ABCC4: variants seen among roughly 807,000 people sequenced by gnomAD.
ABCC4 encodes the protein ATP binding cassette subfamily C member 4 (PEL blood group).
Under a neutral mutation model 168.5 loss-of-function variants are expected in ABCC4, and 102 were observed. The ratio of observed to expected loss-of-function variants is 0.61; its 90% confidence interval spans 0.52 to 0.71. The LOEUF is 0.71. Ranked by LOEUF, ABCC4 falls within the 30% of genes least tolerant of loss-of-function variation. ABCC4 has a pLI of 0.00. For synonymous variants in ABCC4, 617 were observed against 590.7 expected, an observed-to-expected ratio of 1.04 and a Z score of -0.65; for missense variants, 1,402 against 1,605.8, an observed-to-expected ratio of 0.87 and a Z score of 2.17.
chr13:95,274,197 A>G (rs1307126089), intron 1 of ABCC4, among the ~76,000 whole-genome samples: 1 of 152,074 alleles, frequency 6.6e-6, no homozygotes, highest in Admixed American at 6.6e-5. Flanking sequence ...AGGCCAGTAG[A>G]TTTCTCATAC....
intron 30 of ABCC4, among the ~76,000 whole-genome samples, chr13:95,028,364 TA>T (rs2031648070): frequency 1.3e-5 from 2 of 152,102 alleles, no homozygotes; most frequent in Non-Finnish European, 2.9e-5. Flanking sequence ...CTAGAAAAAC[TA>T]GGACACAAAG....
At chr13:95,244,640 A>AG (rs2040049471) in intron 3 of ABCC4, among the ~76,000 whole-genome samples, 1 of 38,878 alleles carries the variant, frequency 2.6e-5, no homozygotes, top group African/African-American at 1.7e-4. Context: ...AAAGAAAGAA[A>AG]GAAAGAAAGA....
chr13:95,296,675 T>G (rs1455188731), intron 1 of ABCC4, among the ~76,000 whole-genome samples: 1 of 152,166 alleles, frequency 6.6e-6, no homozygotes, highest in Non-Finnish European at 1.5e-5. Flanking sequence ...GCCTCCACCC[T>G]GCTGCTGACC....
intron 3 of ABCC4, among the ~76,000 whole-genome samples, chr13:95,242,580 T>C (rs1285568790): frequency 6.6e-6 from 1 of 152,146 alleles, no homozygotes; most frequent in Non-Finnish European, 1.5e-5. Flanking sequence ...TGGAGTGCAG[T>C]GGTGCAATCA....
chr13:95,042,345 T>C (rs58286099), intron 29 of ABCC4, among the ~76,000 whole-genome samples: 8,833 of 152,276 alleles, frequency 0.058, 317 homozygotes, highest in African/African-American at 0.09. Flanking sequence ...TTGCACCATC[T>C]TCACTGCTCA....
intron 3 of ABCC4, among the ~76,000 whole-genome samples, chr13:95,237,920 C>T (rs1049578884): frequency 3.9e-5 from 6 of 151,988 alleles, no homozygotes; most frequent in East Asian, 1.9e-4. Context: ...TACAGCCAGG[C>T]GCGGTGGCTC....
intron 20 of ABCC4, among the ~76,000 whole-genome samples, chr13:95,089,509 T>C (rs918131111): frequency 5.3e-5 from 8 of 152,052 alleles, no homozygotes; most frequent in Non-Finnish European, 1.0e-4. Context: ...TCCCAGCTAC[T>C]TGGGAGGCTG....
chr13:95,148,591 A>ACAC, intron 19 of ABCC4, among the ~76,000 whole-genome samples: 1 of 129,790 alleles, frequency 7.7e-6, no homozygotes, highest in Non-Finnish European at 1.7e-5. Flanking sequence ...TACCCATCAC[A>ACAC]ACACACACAC....
At chr13:95,169,393 C>G (rs567019498) in intron 14 of ABCC4, among the ~76,000 whole-genome samples, 1 of 152,274 alleles carries the variant, frequency 6.6e-6, no homozygotes, top group African/African-American at 2.4e-5. Flanking sequence ...CCATGTCACT[C>G]CACTGCTCTG....
At chr13:95,266,810 T>C (rs2040688266) in intron 1 of ABCC4, among the ~76,000 whole-genome samples, 1 of 148,894 alleles carries the variant, frequency 6.7e-6, no homozygotes. Flanking sequence ...GGTTTGGTTG[T>C]GTCCCTACTC....
chr13:95,066,929 T>C (rs1480484507), intron 25 of ABCC4, among the ~76,000 whole-genome samples: 1 of 152,150 alleles, frequency 6.6e-6, no homozygotes, highest in East Asian at 1.9e-4. Context: ...TATAAGAAGG[T>C]GGCTAGGACA....
chr13:95,278,806 GAAAAAAAAAAAAAAAAA>G (rs71113905), intron 1 of ABCC4, among the ~76,000 whole-genome samples: 2 of 34,344 alleles, frequency 5.8e-5, no homozygotes, highest in African/African-American at 3.0e-4. Context: ...CCCTGTCTCG[GAAAAAAAAAAAAAAAAA>G]AAAAAAAAAA....
chr13:95,186,287 A>C (rs1278596631), intron 11 of ABCC4, among the ~76,000 whole-genome samples: 1 of 152,148 alleles, frequency 6.6e-6, no homozygotes. Context: ...GCATCAGAAG[A>C]ATCTGGGTTG....
chr13:95,116,160 G>T (rs1355110294), intron 19 of ABCC4, among the ~76,000 whole-genome samples, 159 bp from the exon 20 acceptor site: 1 of 152,068 alleles, frequency 6.6e-6, no homozygotes, highest in African/African-American at 2.4e-5. Context: ...AAAGAAAATA[G>T]GACGATACCT....
At chr13:95,233,842 T>TA (rs1376968605) in intron 4 of ABCC4, among the ~76,000 whole-genome samples, 1 of 152,178 alleles carries the variant, frequency 6.6e-6, no homozygotes, top group Non-Finnish European at 1.5e-5. Context: ...TGTAAAAACT[T>TA]ACTTTGAATG....
chr13:95,283,921 C>T (rs1229088335), intron 1 of ABCC4, among the ~76,000 whole-genome samples: 3 of 151,228 alleles, frequency 2.0e-5, no homozygotes, highest in Non-Finnish European at 4.4e-5. Context: ...AGAGTGGCGC[C>T]AGGTGCAGTG....
intron 19 of ABCC4, among the ~76,000 whole-genome samples, chr13:95,147,203 C>T (rs1305887714): frequency 6.6e-6 from 1 of 152,052 alleles, no homozygotes; most frequent in African/African-American, 2.4e-5. Flanking sequence ...GTCTCTCCAC[C>T]CCAAATTCTA....
In ABCC4 at chr13:95,043,778, C is replaced by T. The variant is rs374227896; in HGVS notation, c.3639G>A (p.Glu1213=). 1.9e-6 allele frequency: 3 copies of T among 1,611,572 alleles called. No homozygotes were observed. Among genetic ancestry groups the T allele is most frequent in the African/African-American group, 2.7e-5 (2 of 74,666 alleles). ...TCTCCCGGATTTTTTTTTGTATTAACTCATCAGTTCTGCAATCAAAGAAGT... is the reference window on the plus strand; with the variant it reads ...TCTCCCGGATTTTTTTTTGTATTAATTCATCAGTTCTGCAATCAAAGAAGT... ...ATANVDPRTD[E]LIQKKIREKF... is the part of the protein sequence containing the mutation. Residue 1213 remains glutamate, a synonymous_variant, in exon 29 of 31, where the codon GAG becomes GAA. Coordinates refer to ENST00000645237, the MANE Select transcript of ABCC4 (RefSeq NM_005845.5).
At chr13:95,202,874 G>A (rs1375393596) in intron 8 of ABCC4, among the ~76,000 whole-genome samples, 1 of 152,000 alleles carries the variant, frequency 6.6e-6, no homozygotes, top group Non-Finnish European at 1.5e-5. Context: ...TGGCCAGGCT[G>A]GTCTAGAACT....
Sources: allele counts gnomAD v4.1 joint callset (sites outside exome capture counted in the v4.1 genomes callset), GRCh38; gene constraint gnomAD v4.1.1; transcripts MANE v1.5; gene names NCBI Gene and HGNC (gene_info 2026-07-23, HGNC 2026-07-21).